Variants in SNAP47 observed in about 807,000 individuals in gnomAD.
SNAP47 encodes the protein synaptosome associated protein 47, also known as synaptosomal-associated protein 47.
Under a neutral mutation model 31.4 loss-of-function variants are expected in SNAP47, and 20 were observed. The ratio of observed to expected loss-of-function variants is 0.64; its 90% CI spans 0.45 to 0.93. The LOEUF is 0.93. Ranked by LOEUF, SNAP47 falls within the 40% of genes least tolerant of loss-of-function variation. The probability of loss-of-function intolerance (pLI) is 0.00; values close to 1 mark genes in which losing one functional copy is unlikely to be tolerated. For missense variants in SNAP47, 492 were observed against 528.5 expected (o/e 0.93, Z 0.68); for synonymous variants, 194 against 213.4 (o/e 0.91, Z 0.79).
At chr1:227,732,966 C>T (rs151093866), upstream of SNAP47, 12 of 1,613,372 alleles carry the variant, frequency 7.4e-6, no homozygotes, top group African/African-American at 6.7e-5. Context: ...CTGCAAGAAG[C>T]GCCACATGTT....
At chr1:227,734,450 G>A, upstream of SNAP47, 1 of 449,512 alleles carries the variant, frequency 2.2e-6, no homozygotes, top group Non-Finnish European at 3.9e-6. Flanking sequence ...AAAAAAAAAG[G>A]AAAAAAAACC....
At chr1:227,750,783 A>G (rs774681160) in intron 2 of SNAP47, among the ~76,000 whole-genome samples, 4 of 152,198 alleles carry the variant, frequency 2.6e-5, no homozygotes, top group Non-Finnish European at 4.4e-5. Flanking sequence ...CTGGGGTGTC[A>G]TCCTCCTCCC....
At chr1:227,751,231 C>T (rs922864877) in intron 2 of SNAP47, among the ~76,000 whole-genome samples, 6 of 152,212 alleles carry the variant, frequency 3.9e-5, no homozygotes, top group Non-Finnish European at 7.3e-5. Flanking sequence ...TCACCTGCGT[C>T]GGCCTGCACC....
At chr1:227,778,777 C>T (rs925852188) in intron 4 of SNAP47, among the ~76,000 whole-genome samples, 3 of 152,184 alleles carry the variant, frequency 2.0e-5, no homozygotes, top group South Asian at 2.1e-4. Context: ...GTCATCTGCC[C>T]GTCCTCCTGG....
At chr1:227,764,535 A>G (rs374994976) in intron 3 of SNAP47, among the ~76,000 whole-genome samples, 4 of 152,280 alleles carry the variant, frequency 2.6e-5, no homozygotes, top group African/African-American at 9.6e-5. Flanking sequence ...TGGGAAGCCA[A>G]TGTGGGAGGA....
In SNAP47 at chr1:227,766,817, C is replaced by G. The variant is rs1210636373; in HGVS notation, c.989-142C>G. 3 of 1,236,494 alleles carry G rather than the reference C, an allele frequency of 2.4e-6. No homozygotes were observed. The Admixed American group carries it at 6.7e-5, about 28-fold the overall frequency. The allele number at this position is 1,236,494 out of a possible 1,614,324, so 76.6% of individuals were successfully genotyped here. A position where few individuals can be genotyped will look rare whatever the true frequency, so the allele number is the denominator to read the frequency against. On this transcript the variant is annotated intron_variant, in intron 3 of 4. Coordinates refer to ENST00000617596, the MANE Select transcript of SNAP47 (RefSeq NM_053052.4). ...CGGGGCCGGGTGGCAAGGCAAGGCTCACAGAGGTCGAGAGAGGAAGCAGTC... is the reference window on the plus strand; with the variant it reads ...CGGGGCCGGGTGGCAAGGCAAGGCTGACAGAGGTCGAGAGAGGAAGCAGTC...
At chr1:227,742,449 G>T (rs1661670872) in intron 1 of SNAP47, among the ~76,000 whole-genome samples, 1 of 152,152 alleles carries the variant, frequency 6.6e-6, no homozygotes, top group African/African-American at 2.4e-5. Context: ...AGGTCTTTTA[G>T]TTATTTTGAC....
chr1:227,743,520 C>T (rs1197412247), intron 1 of SNAP47, among the ~76,000 whole-genome samples: 1 of 152,262 alleles, frequency 6.6e-6, no homozygotes, highest in South Asian at 2.1e-4. Flanking sequence ...CTTGCTGCCT[C>T]TGCATTGCGT....
chr1:227,780,421 C>T (rs1468189674), intron 4 of SNAP47, 106 bp from the exon 5 acceptor site: 13 of 1,493,394 alleles, frequency 8.7e-6, no homozygotes, highest in East Asian at 2.3e-5. Flanking sequence ...TGGCATCACC[C>T]AGGTGGTAAC....
chr1:227,732,520 T>C (rs1660729427), upstream of SNAP47: 1 of 1,613,370 alleles, frequency 6.2e-7, no homozygotes, highest in Admixed American at 1.7e-5. Context: ...AGCACCTCTG[T>C]GATGCGCCCA....
chr1:227,760,725 C>G (rs1232474399), intron 3 of SNAP47, among the ~76,000 whole-genome samples: 3 of 152,228 alleles, frequency 2.0e-5, no homozygotes, highest in African/African-American at 7.2e-5. Context: ...TTTGGCCCTG[C>G]AGGTTTTGCT....
At chr1:227,751,744 GTTTTTTTTTTTTTTTTTTT>G (rs540732076) in intron 2 of SNAP47, among the ~76,000 whole-genome samples, 1,198 of 69,216 alleles carry the variant, frequency 0.017, 27 homozygotes, top group African/African-American at 0.061. Context: ...TAAAGACTTG[GTTTTTTTTTTTTTTTTTTT>G]TTTTTTTTTT....
chr1:227,748,394 A>G (rs1662120755), intron 2 of SNAP47, among the ~76,000 whole-genome samples, 161 bp downstream of exon 2: 1 of 152,230 alleles, frequency 6.6e-6, no homozygotes, highest in South Asian at 2.1e-4. Flanking sequence ...GGGTACGCAC[A>G]TTAAGATCCA....
intron 4 of SNAP47, among the ~76,000 whole-genome samples, chr1:227,778,616 G>C (rs1316160523): frequency 6.6e-6 from 1 of 152,192 alleles, no homozygotes; most frequent in Non-Finnish European, 1.5e-5. Context: ...ATGCCCTCAG[G>C]ATCACACTGA....
rs1436401638 is a variant in SNAP47, at chr1:227,762,837, CTCTG to C, written c.988+3356_988+3359del. On this transcript the variant is annotated intron_variant, in intron 3 of 4. Transcript: ENST00000617596. The surrounding 1 kb of genome is among the most constrained non-coding windows in gnomAD (Gnocchi z 4.2). ...GCTGGGCCAGGGCTTGCACAGCAGC[CTCTG>C]TCTCAGATTTTCTTGCAGTCGGCCT... Among the ~76,000 whole-genome samples the C allele has an allele frequency of 6.6e-6, 1 of 152,222 alleles. No homozygotes were observed. Among genetic ancestry groups the C allele is most frequent in the Non-Finnish European group, 1.5e-5 (1 of 68,046 alleles).
intron 4 of SNAP47, chr1:227,776,121 C>G (rs1558217406): frequency 2.6e-6 from 3 of 1,165,224 alleles, no homozygotes; most frequent in Non-Finnish European, 3.2e-6. Flanking sequence ...TGCTCCCCTT[C>G]CTGGCTCTGA....
At position 227,735,452 on chromosome 1, in the gene SNAP47, C is replaced by A. The variant is rs746526976; in HGVS notation, c.-93C>A. On this transcript the variant is annotated 5_prime_UTR_variant, in exon 1 of 5. Transcript: ENST00000617596. ...CGGTCTTCACTGCGCAGGCGCCGAGCGGCCGAGGCGCCGCGGTCGGCTCTG... is the reference window on the plus strand; with the variant it reads ...CGGTCTTCACTGCGCAGGCGCCGAGAGGCCGAGGCGCCGCGGTCGGCTCTG... The A allele has an allele frequency of 6.9e-7, 1 of 1,443,502 alleles. No individual in the cohort carries two copies. Among genetic ancestry groups the A allele is most frequent in the Non-Finnish European group, 9.0e-7 (1 of 1,109,288 alleles). 89.4% of individuals were successfully genotyped at this position (1,443,502 alleles called of 1,614,324 possible).
Position 227,756,739 on chromosome 1 carries a change from G to A in SNAP47, c.498-2256G>A, listed in dbSNP as rs77708077. Reference sequence around the variant, plus strand: ...ACTTTTGCCTGGGGTCCTGGGGATTGCACCTCCCATGGCGTGTTGCTGCCC... The same window carrying A: ...ACTTTTGCCTGGGGTCCTGGGGATTACACCTCCCATGGCGTGTTGCTGCCC... On this transcript the variant is annotated intron_variant, in intron 2 of 4. Coordinates refer to ENST00000617596, the MANE Select transcript of SNAP47 (RefSeq NM_053052.4). 8.5e-3 allele frequency among the ~76,000 whole-genome samples: 1,295 copies of A among 152,374 alleles called. 14 individuals are homozygous for A. The highest frequency in any genetic ancestry group is 0.029 in the African/African-American group (1,220 of 41,584).
At position 227,744,727 on chromosome 1, in the gene SNAP47, A is replaced by G. The variant is rs542138837; in HGVS notation, c.-45-2965A>G. Reference sequence around the variant, plus strand: ...TGGCAGTCATGAAACAGGTGGATTCAAGAAAACGGCAGGCCCTAGGCGCTC... The same window carrying G: ...TGGCAGTCATGAAACAGGTGGATTCGAGAAAACGGCAGGCCCTAGGCGCTC... On this transcript the variant is annotated intron_variant, in intron 1 of 4. Coordinates refer to ENST00000617596, the MANE Select transcript of SNAP47 (RefSeq NM_053052.4). Among the ~76,000 whole-genome samples, 22 of 152,280 alleles carry G rather than the reference A, an allele frequency of 1.4e-4. 1 individual carries two copies. Among genetic ancestry groups the G allele is most frequent in the African/African-American group, 5.3e-4 (22 of 41,552 alleles).
Sources: allele counts gnomAD v4.1 joint callset (sites outside exome capture counted in the v4.1 genomes callset), GRCh38; gene constraint gnomAD v4.1.1; non-coding constraint Gnocchi (gnomAD v3.1); transcripts MANE v1.5; gene names NCBI Gene and HGNC (gene_info 2026-07-23, HGNC 2026-07-21).